NMNAT2: variants seen among roughly 807,000 people sequenced by gnomAD.
NMNAT2 encodes nicotinamide nucleotide adenylyltransferase 2.
In NMNAT2, 11 loss-of-function variants were observed where a neutral mutation model predicts 41.6. The ratio of observed to expected loss-of-function variants is 0.26; its 90% CI spans 0.17 to 0.44. The LOEUF is 0.44. Among genes scored for constraint, NMNAT2 ranks in the 20% least tolerant of loss-of-function variants. The probability of loss-of-function intolerance (pLI) is 1.00; values close to 1 mark genes in which losing one functional copy is unlikely to be tolerated. For synonymous variants in NMNAT2, 148 were observed against 151.2 expected, an observed-to-expected ratio of 0.98 and a Z score of 0.16; for missense variants, 288 against 407.7, an observed-to-expected ratio of 0.71 and a Z score of 2.53.
At chr1:183,365,797 G>A (rs1450730285) in intron 1 of NMNAT2, among the ~76,000 whole-genome samples, 3 of 152,228 alleles carry the variant, frequency 2.0e-5, no homozygotes, top group East Asian at 1.9e-4. Flanking sequence ...CTGAGACACG[G>A]TGTTGTATAA....
Position 183,307,217 on chromosome 1 carries a change from CT to C in NMNAT2, c.86-13425del, listed in dbSNP as rs573840552. Among the ~76,000 whole-genome samples the C allele has an allele frequency of 1.4e-3, 215 of 152,176 alleles. 1 individual carries two copies. Among genetic ancestry groups the C allele is most frequent in the Non-Finnish European group, 2.6e-3 (179 of 68,008 alleles). On this transcript the variant is annotated intron_variant, in intron 1 of 10. Transcript: ENST00000287713. ...GAGAGAGCAGATGTTCCCTCTCCGG[CT>C]TAGAAAGTCATCTCTAGAGAGTGAG...
In NMNAT2 at chr1:183,263,601, G is replaced by A. The variant is rs374751312; in HGVS notation, c.652-2298C>T. Among the ~76,000 whole-genome samples the A allele has an allele frequency of 1.1e-4, 17 of 152,240 alleles. No homozygotes were observed. The East Asian group carries it at 2.5e-3, about 23-fold the overall frequency. On this transcript the variant is annotated intron_variant, in intron 8 of 10. Coordinates refer to ENST00000287713, the MANE Select transcript of NMNAT2 (RefSeq NM_015039.4). ...TGGGAGGCCAAGGCGGGTGGATCAC[G>A]AGGTCAGGAGATCGAGACCACGGTG...
At chr1:183,335,055 T>C (rs1226555063) in intron 1 of NMNAT2, among the ~76,000 whole-genome samples, 1 of 152,202 alleles carries the variant, frequency 6.6e-6, no homozygotes, top group Non-Finnish European at 1.5e-5. Flanking sequence ...CATCAATTAA[T>C]AACAATTGTC....
chr1:183,398,167 T>A (rs184829087), intron 1 of NMNAT2, among the ~76,000 whole-genome samples: 75 of 152,164 alleles, frequency 4.9e-4, no homozygotes, highest in African/African-American at 1.7e-3. Context: ...AGGAGACCCA[T>A]CTCAAGTGCA....
intron 1 of NMNAT2, among the ~76,000 whole-genome samples, chr1:183,396,862 G>A (rs1361638876): frequency 6.6e-6 from 1 of 152,164 alleles, no homozygotes; most frequent in Non-Finnish European, 1.5e-5. Context: ...TCTTTCTTCT[G>A]AGGAGGCAAG....
intron 1 of NMNAT2, chr1:183,304,957 C>T: frequency 2.6e-6 from 3 of 1,137,240 alleles, no homozygotes; most frequent in Non-Finnish European, 3.5e-6. Flanking sequence ...CTGAGAGAAC[C>T]TCTCATATGC....
At chr1:183,309,502 C>A (rs562374263) in intron 1 of NMNAT2, among the ~76,000 whole-genome samples, 48 of 152,226 alleles carry the variant, frequency 3.2e-4, no homozygotes, top group Middle Eastern at 3.4e-3. Context: ...ATACTTGGCA[C>A]GTTAATGTGT....
intron 1 of NMNAT2, chr1:183,304,982 G>C: frequency 1.2e-6 from 1 of 817,702 alleles, no homozygotes; most frequent in Non-Finnish European, 1.7e-6. Flanking sequence ...GCTTGTAGGA[G>C]CCACTCCGGA....
chr1:183,337,295 G>A (rs1359525096), intron 1 of NMNAT2, among the ~76,000 whole-genome samples: 1 of 152,058 alleles, frequency 6.6e-6, no homozygotes, highest in Non-Finnish European at 1.5e-5. Flanking sequence ...ATTAGGAAGA[G>A]AGAAAATCCT....
chr1:183,390,120 A>T (rs1056274823), intron 1 of NMNAT2, among the ~76,000 whole-genome samples: 15 of 152,052 alleles, frequency 9.9e-5, no homozygotes, highest in Admixed American at 2.0e-4. Context: ...GTGGTACGGG[A>T]AGGTGGGGAA....
At chr1:183,295,496 C>T (rs1023672485) in intron 1 of NMNAT2, among the ~76,000 whole-genome samples, 1 of 152,180 alleles carries the variant, frequency 6.6e-6, no homozygotes, top group Non-Finnish European at 1.5e-5. Context: ...TAGTGTGGCA[C>T]ACTTGTTATA....
At position 183,249,637 on chromosome 1, in the gene NMNAT2, G is replaced by C. The variant is rs1660319665; in HGVS notation, c.*3004C>G. On this transcript the variant is annotated 3_prime_UTR_variant, in exon 11 of 11. Coordinates refer to ENST00000287713, the MANE Select transcript of NMNAT2 (RefSeq NM_015039.4). ...GTCATGGTCACAATGTCCTGTCCTG[G>C]ATTTAGTTGTGCTGTGACCTTCCCC... The C allele has an allele frequency of 6.6e-6, 1 of 150,830 alleles. No homozygotes were observed. Among genetic ancestry groups the C allele is most frequent in the Non-Finnish European group, 1.5e-5 (1 of 68,764 alleles). 9.3% of individuals were successfully genotyped at this position (150,830 alleles called of 1,614,324 possible). A position where few individuals can be genotyped will look rare whatever the true frequency, so the allele number is the denominator to read the frequency against.
chr1:183,286,138 C>T (rs1661392062), intron 5 of NMNAT2, among the ~76,000 whole-genome samples: 1 of 152,144 alleles, frequency 6.6e-6, no homozygotes, highest in Non-Finnish European at 1.5e-5. Context: ...TGGCACAGTC[C>T]CCCAGTCCCT....
At chr1:183,364,973 G>A (rs189575752) in intron 1 of NMNAT2, among the ~76,000 whole-genome samples, 5 of 152,200 alleles carry the variant, frequency 3.3e-5, no homozygotes, top group Middle Eastern at 3.4e-3. Flanking sequence ...AGAATCAGAC[G>A]AGGGTTCCCA....
chr1:183,258,869 C>G (rs536673856), intron 10 of NMNAT2, among the ~76,000 whole-genome samples: 1 of 152,324 alleles, frequency 6.6e-6, no homozygotes, highest in South Asian at 2.1e-4. Context: ...GCACTCCTGG[C>G]TCACTGGCTT....
At chr1:183,399,639 T>C (rs999336142) in intron 1 of NMNAT2, among the ~76,000 whole-genome samples, 3 of 152,174 alleles carry the variant, frequency 2.0e-5, no homozygotes, top group African/African-American at 7.2e-5. Context: ...ATATCCCTGA[T>C]GAACATCGAT....
intron 1 of NMNAT2, among the ~76,000 whole-genome samples, chr1:183,380,464 TA>T (rs1373789820): frequency 1.3e-5 from 2 of 152,222 alleles, no homozygotes; most frequent in Non-Finnish European, 2.9e-5. Context: ...TATTACCATA[TA>T]ATTTTTGTTA....
At chr1:183,328,553 G>T (rs548555778) in intron 1 of NMNAT2, among the ~76,000 whole-genome samples, 1 of 152,302 alleles carries the variant, frequency 6.6e-6, no homozygotes, top group South Asian at 2.1e-4. Flanking sequence ...AGTCAGCATG[G>T]TCACTGCTGA....
intron 1 of NMNAT2, among the ~76,000 whole-genome samples, chr1:183,358,025 C>A (rs375453434): frequency 3.5e-4 from 53 of 152,224 alleles, no homozygotes; most frequent in African/African-American, 1.3e-3. Flanking sequence ...AACCTAAATA[C>A]CCATCAATGA....
Sources: allele counts gnomAD v4.1 joint callset (sites outside exome capture counted in the v4.1 genomes callset), GRCh38; gene constraint gnomAD v4.1.1; transcripts MANE v1.5; gene names NCBI Gene and HGNC (gene_info 2026-07-23, HGNC 2026-07-21).